Variants in RBM6 observed in about 807,000 individuals in gnomAD.
RBM6 encodes RNA binding motif protein 6.
A neutral mutation model predicts 140.4 loss-of-function variants in RBM6; 23 were observed. The observed-to-expected ratio is 0.16, with a 90% CI of 0.12 to 0.23. The LOEUF (loss-of-function observed/expected upper bound fraction) is 0.23. Among genes scored for constraint, RBM6 ranks in the 10% least tolerant of loss-of-function variants. The pLI, the probability that RBM6 is intolerant of heterozygous loss-of-function variation, is 1.00. For missense variants in RBM6, 1,139 were observed against 1,386.7 expected (o/e 0.82, Z 2.84); for synonymous variants, 439 against 475.6 (o/e 0.92, Z 1.00).
At chr3:50,058,179 C>A (rs545942115) in intron 9 of RBM6, among the ~76,000 whole-genome samples, 176 bp downstream of exon 9, 1 of 152,248 alleles carries the variant, frequency 6.6e-6, no homozygotes, top group South Asian at 2.1e-4. Context: ...GGAATCTATG[C>A]CCTTCAAATA....
chr3:50,020,880 TTGTTG>T (rs2087443364), intron 6 of RBM6, among the ~76,000 whole-genome samples: 1 of 152,162 alleles, frequency 6.6e-6, no homozygotes, highest in South Asian at 2.1e-4. Flanking sequence ...TGCAAGCCCA[TTGTTG>T]ACTGAGATGT....
chr3:50,075,365 A>T, intron 20 of RBM6, 35 bp downstream of exon 20: 3 of 1,600,508 alleles, frequency 1.9e-6, no homozygotes, highest in Non-Finnish European at 2.6e-6. Context: ...GGGTGACATG[A>T]ACCTGGAATG....
chr3:50,002,407 G>A (rs1178703740), intron 6 of RBM6, among the ~76,000 whole-genome samples: 20 of 152,032 alleles, frequency 1.3e-4, no homozygotes, highest in Admixed American at 1.2e-3. Flanking sequence ...GATTACAGGT[G>A]CCCGCCACCA....
intron 6 of RBM6, among the ~76,000 whole-genome samples, chr3:50,013,294 C>G (rs563619410): frequency 3.3e-5 from 5 of 151,986 alleles, no homozygotes; most frequent in Admixed American, 1.3e-4. Context: ...TTGTCAGGTG[C>G]TGGGGTTGGA....
intron 6 of RBM6, among the ~76,000 whole-genome samples, chr3:50,011,642 A>G (rs1049817742): frequency 2.6e-5 from 4 of 152,058 alleles, no homozygotes; most frequent in African/African-American, 9.7e-5. Context: ...CATTGACACT[A>G]TGGCTATCAT....
chr3:49,943,864 C>T (rs2083385268), intron 1 of RBM6, among the ~76,000 whole-genome samples: 1 of 152,172 alleles, frequency 6.6e-6, no homozygotes, highest in African/African-American at 2.4e-5. Flanking sequence ...CCAATTTTCC[C>T]ACATCCTCCC....
chr3:49,974,059 G>A (rs1396727518), intron 4 of RBM6, among the ~76,000 whole-genome samples: 1 of 151,704 alleles, frequency 6.6e-6, no homozygotes, highest in African/African-American at 2.4e-5. Context: ...CACCACGCCC[G>A]GCTAAGTTTT....
intron 6 of RBM6, among the ~76,000 whole-genome samples, chr3:50,046,429 A>T (rs2089226310): frequency 6.7e-6 from 1 of 150,304 alleles, no homozygotes; most frequent in South Asian, 2.1e-4. Context: ...AAAATACAAA[A>T]TTAGCCAAGC....
intron 6 of RBM6, among the ~76,000 whole-genome samples, chr3:50,005,342 T>C (rs914959716): frequency 3.9e-5 from 6 of 152,046 alleles, no homozygotes; most frequent in Non-Finnish European, 8.8e-5. Context: ...CAAAACATTG[T>C]TAAAAATTAG....
chr3:49,962,358 G>A (rs1261705551), intron 1 of RBM6, among the ~76,000 whole-genome samples: 1 of 151,336 alleles, frequency 6.6e-6, no homozygotes, highest in African/African-American at 2.4e-5. Context: ...AGAATTGCTT[G>A]AACCCGGAGG....
intron 6 of RBM6, among the ~76,000 whole-genome samples, chr3:50,046,583 G>GAA (rs75244837): frequency 8.9e-5 from 11 of 124,228 alleles, no homozygotes; most frequent in African/African-American, 2.9e-5. Context: ...CTGTCTCAGG[G>GAA]AAAAAAAAAA....
intron 1 of RBM6, among the ~76,000 whole-genome samples, chr3:49,956,305 G>A (rs1366778228): frequency 6.8e-6 from 1 of 147,162 alleles, no homozygotes; most frequent in Non-Finnish European, 1.5e-5. Flanking sequence ...ACAGGCATTA[G>A]CCACTTTCTG....
Position 50,062,065 on chromosome 3 carries a change from C to G in RBM6, c.2543C>G (p.Ser848Cys), listed in dbSNP as rs2089963397. The G allele has an allele frequency of 6.2e-7, 1 of 1,613,682 alleles. No homozygotes were observed. Among genetic ancestry groups the G allele is most frequent in the Admixed American group, 1.7e-5 (1 of 59,968 alleles). ...AAGTCAAGTAGCAAGAAGGAAATGTCTAAAAGAGATGGCAAGGAGAAAAAA... is the reference window on the plus strand; with the variant it reads ...AAGTCAAGTAGCAAGAAGGAAATGTGTAAAAGAGATGGCAAGGAGAAAAAA... ...QGKSSSKKEM[S>C]KRDGKEKKDR... Residue 848 changes from serine (S) to cysteine (C), a missense_variant, in exon 15 of 21, where the codon TCT becomes TGT. Coordinates refer to ENST00000266022, the MANE Select transcript of RBM6 (RefSeq NM_005777.3).
chr3:50,023,478 G>A (rs1046408921), intron 6 of RBM6, among the ~76,000 whole-genome samples: 6 of 151,752 alleles, frequency 4.0e-5, no homozygotes, highest in African/African-American at 1.2e-4. Flanking sequence ...ACTAATTTCT[G>A]TTACTTCTTT....
At chr3:50,039,482 ACCCCCC>A (rs10546220) in intron 6 of RBM6, among the ~76,000 whole-genome samples, 1 of 122,148 alleles carries the variant, frequency 8.2e-6, no homozygotes, top group African/African-American at 3.2e-5. Context: ...CAGGTGATCC[ACCCCCC>A]CCCCCCCCAC....
In RBM6 at chr3:49,968,060, G is replaced by A. The variant is rs1249861526; in HGVS notation, c.635G>A (p.Arg212His). 9.9e-6 allele frequency: 16 copies of A among 1,614,012 alleles called. No individual in the cohort carries two copies. The highest frequency in any genetic ancestry group is 6.7e-5 in the East Asian group (3 of 44,898). The change falls in exon 3 of 21, where the codon CGT becomes CAT. Residue 212 changes from arginine (R) to histidine (H), a missense_variant. By Grantham distance (29) the Arg-to-His change is conservative. Coordinates refer to ENST00000266022, the MANE Select transcript of RBM6 (RefSeq NM_005777.3). ...DLDFRAREQSRSDFRNRDVSD... is the reference protein window; with the variant it reads ...DLDFRAREQSHSDFRNRDVSD... ...GATTTTAGGGCCAGAGAACAGTCCC[G>A]TTCTGATTTTAGGAATAGAGATGTA...
chr3:49,954,439 CAA>C (rs529547115), intron 1 of RBM6, among the ~76,000 whole-genome samples: 55 of 80,324 alleles, frequency 6.8e-4, no homozygotes, highest in Non-Finnish European at 6.0e-4. Context: ...GACTCCATCT[CAA>C]AAAAAAAAAA....
intron 1 of RBM6, among the ~76,000 whole-genome samples, chr3:49,962,192 G>A (rs2084313878): frequency 2.8e-5 from 4 of 144,380 alleles, no homozygotes; most frequent in East Asian, 2.1e-4. Flanking sequence ...AGTGGCTCAC[G>A]CCTGTAATCT....
rs765899020 is a variant in RBM6, at chr3:50,065,047, G to C, written c.2603G>C (p.Ser868Thr). ...TTTGATCAGTTTCAGGAAAATGCCA[G>C]TGAAGGGAAGGCCCCTGCAGAAGAC... ...RGVTRFQENA[S>T]EGKAPAEDVF... The change falls in exon 16 of 21, where the codon AGT becomes ACT. Residue 868 changes from serine to threonine, a missense_variant. Transcript: ENST00000266022. 3.2e-5 allele frequency: 52 copies of C among 1,613,372 alleles called. No homozygotes were observed. The Middle Eastern group carries it at 3.6e-3, about 112-fold the overall frequency.
Sources: allele counts gnomAD v4.1 joint callset (sites outside exome capture counted in the v4.1 genomes callset), GRCh38; gene constraint gnomAD v4.1.1; transcripts MANE v1.5; gene names NCBI Gene and HGNC (gene_info 2026-07-23, HGNC 2026-07-21).